PRIMA1: variants seen among roughly 807,000 people sequenced by gnomAD.
PRIMA1 encodes proline rich membrane anchor 1.
A neutral mutation model predicts 17.5 loss-of-function variants in PRIMA1; 7 were observed. The observed-to-expected ratio is 0.40, with a 90% CI of 0.23 to 0.75. PRIMA1 has a LOEUF of 0.75. Ranked by LOEUF, PRIMA1 falls within the 30% of genes least tolerant of loss-of-function variation. The pLI, the probability that PRIMA1 is intolerant of heterozygous loss-of-function variation, is 0.37. For missense variants in PRIMA1, 200 were observed against 201.8 expected (o/e 0.99, Z 0.05); for synonymous variants, 97 against 77.9 (o/e 1.25, Z -1.29).
chr14:93,781,009 G>C (rs570715967), intron 2 of PRIMA1, among the ~76,000 whole-genome samples: 1 of 151,650 alleles, frequency 6.6e-6, no homozygotes. Context: ...AGAGCCCCCC[G>C]GGGCTGGGAG....
At chr14:93,765,942 C>T (rs1251188276) in intron 3 of PRIMA1, among the ~76,000 whole-genome samples, 1 of 152,162 alleles carries the variant, frequency 6.6e-6, no homozygotes, top group African/African-American at 2.4e-5. Context: ...AATTTGCCTT[C>T]ATCGATAATA....
Position 93,768,571 on chromosome 14 carries a change from GAGGGC to G in PRIMA1, c.229+10600_229+10604del, listed in dbSNP as rs1226516233. On this transcript the variant is annotated intron_variant, in intron 3 of 4. Coordinates refer to ENST00000393140, the MANE Select transcript of PRIMA1 (RefSeq NM_178013.4). The stretch of plus-strand genomic sequence containing the variant: ...AGTGTCCAACTAGAGGCAGGAGTCC[GAGGGC>G]AGGGCTATGTTGAATTCACCTTTGT... 2.0e-5 allele frequency among the ~76,000 whole-genome samples: 3 copies of G among 152,296 alleles called. No homozygotes were observed. In the East Asian group the frequency reaches 5.8e-4, roughly 29 times the overall value.
intron 4 of PRIMA1, among the ~76,000 whole-genome samples, chr14:93,727,400 C>A (rs531073824): frequency 1.3e-5 from 2 of 152,274 alleles, no homozygotes; most frequent in South Asian, 4.1e-4. Context: ...GAAAGGATTG[C>A]GGGCTCATGC....
intron 2 of PRIMA1, among the ~76,000 whole-genome samples, chr14:93,782,233 A>G (rs1205741156): frequency 6.6e-6 from 1 of 152,112 alleles, no homozygotes; most frequent in East Asian, 1.9e-4. Flanking sequence ...ATGCTACCGC[A>G]CTCCAGCCTG....
At chr14:93,766,713 A>G (rs72694734) in intron 3 of PRIMA1, among the ~76,000 whole-genome samples, 24 of 150,370 alleles carry the variant, frequency 1.6e-4, no homozygotes, top group South Asian at 2.1e-4. Flanking sequence ...GAGTCCACTT[A>G]TATCCCCACA....
intron 3 of PRIMA1, among the ~76,000 whole-genome samples, chr14:93,768,304 G>A (rs972171912): frequency 1.3e-5 from 2 of 152,138 alleles, no homozygotes; most frequent in African/African-American, 4.8e-5. Flanking sequence ...CACGGAGAAG[G>A]TGCACTGTCC....
chr14:93,785,188 CAAAA>C (rs386382197), intron 2 of PRIMA1, among the ~76,000 whole-genome samples: 5 of 110,074 alleles, frequency 4.5e-5, no homozygotes, highest in Non-Finnish European at 7.2e-5. Flanking sequence ...TCTTCTCTTT[CAAAA>C]AAAAAAAAAA....
intron 4 of PRIMA1, among the ~76,000 whole-genome samples, chr14:93,727,499 T>G (rs1300683653): frequency 6.6e-6 from 1 of 152,156 alleles, no homozygotes; most frequent in African/African-American, 2.4e-5. Context: ...TGCTGGGGGA[T>G]GGAGATCCCT....
intron 3 of PRIMA1, among the ~76,000 whole-genome samples, chr14:93,759,509 A>ATG (rs778062841): frequency 6.7e-6 from 1 of 148,784 alleles, no homozygotes; most frequent in African/African-American, 2.6e-5. Flanking sequence ...GTGCGTGTGC[A>ATG]TGTGTGTGTG....
chr14:93,777,815 G>A (rs1253980988), intron 3 of PRIMA1, among the ~76,000 whole-genome samples: 1 of 152,196 alleles, frequency 6.6e-6, no homozygotes, highest in Non-Finnish European at 1.5e-5. Flanking sequence ...GGCCAGGACG[G>A]TCCTTCTCCT....
intron 4 of PRIMA1, among the ~76,000 whole-genome samples, chr14:93,727,021 C>G (rs921766429): frequency 7.9e-5 from 12 of 152,310 alleles, no homozygotes; most frequent in African/African-American, 2.2e-4. Flanking sequence ...GGTCAAGAAG[C>G]TACAAAAAGC....
intron 3 of PRIMA1, among the ~76,000 whole-genome samples, chr14:93,775,397 G>A (rs190856051): frequency 1.3e-5 from 2 of 152,374 alleles, no homozygotes; most frequent in East Asian, 1.9e-4. Flanking sequence ...AGTGAGAGCT[G>A]AGGCTCCACA....
chr14:93,774,224 G>A (rs557048646), intron 3 of PRIMA1, among the ~76,000 whole-genome samples: 45 of 152,320 alleles, frequency 3.0e-4, no homozygotes, highest in African/African-American at 9.9e-4. Flanking sequence ...GGGGTGACCC[G>A]CTGTTCCAGT....
intron 3 of PRIMA1, among the ~76,000 whole-genome samples, chr14:93,760,180 C>T (rs1378121828): frequency 6.6e-6 from 1 of 152,172 alleles, no homozygotes; most frequent in Non-Finnish European, 1.5e-5. Context: ...TCAGTGGTTG[C>T]CACAGTGAGG....
chr14:93,787,559 A>T, intron 2 of PRIMA1, 67 bp downstream of exon 2: 1 of 1,534,660 alleles, frequency 6.5e-7, no homozygotes, highest in Non-Finnish European at 8.7e-7. Flanking sequence ...GGGTCTCAGG[A>T]GGGAAGGGAC....
In PRIMA1 at chr14:93,782,699, G is replaced by T. The variant is rs75155742; in HGVS notation, c.94-3388C>A. ...CTCTGAAATGTGAGCAGGCACAATT[G>T]CTTAGCCAACTGTTCTCACAAAAGG... is the stretch of plus-strand genomic sequence containing the variant. On this transcript the variant is annotated intron_variant, in intron 2 of 4. Transcript: ENST00000393140. 9.9e-3 allele frequency among the ~76,000 whole-genome samples: 1,504 copies of T among 152,322 alleles called. 37 individuals carry two copies. The highest frequency in any genetic ancestry group is 0.035 in the African/African-American group (1,450 of 41,570).
At chr14:93,734,479 C>T (rs1297177694) in intron 4 of PRIMA1, among the ~76,000 whole-genome samples, 1 of 152,224 alleles carries the variant, frequency 6.6e-6, no homozygotes, top group Admixed American at 6.5e-5. Flanking sequence ...GAGTCTCTCA[C>T]GAGGTTCCCA....
intron 3 of PRIMA1, among the ~76,000 whole-genome samples, chr14:93,770,601 C>G (rs1885031133): frequency 6.6e-6 from 1 of 152,234 alleles, no homozygotes; most frequent in South Asian, 2.1e-4. Flanking sequence ...ATAACCTAGG[C>G]AGCCCCCCAG....
chr14:93,748,015 TGA>T (rs1388483281), intron 3 of PRIMA1, among the ~76,000 whole-genome samples: 4 of 147,544 alleles, frequency 2.7e-5, no homozygotes, highest in Non-Finnish European at 4.5e-5. Flanking sequence ...TATGAGTGTG[TGA>T]GAGTGGGGGA....
Sources: allele counts gnomAD v4.1 joint callset (sites outside exome capture counted in the v4.1 genomes callset), GRCh38; gene constraint gnomAD v4.1.1; transcripts MANE v1.5; gene names NCBI Gene and HGNC (gene_info 2026-07-23, HGNC 2026-07-21).